SLC25A23: variants seen among roughly 807,000 people sequenced by gnomAD.
SLC25A23 encodes mitochondrial adenyl nucleotide antiporter SLC25A23.
In SLC25A23, 32 loss-of-function variants were observed where a neutral mutation model predicts 53.9. The observed-to-expected ratio is 0.59, with a 90% CI of 0.45 to 0.80. The LOEUF is 0.80. SLC25A23 is among the 30% of genes least tolerant of loss of function. SLC25A23 has a pLI of 0.00. For synonymous variants in SLC25A23, 275 were observed against 264.5 expected (o/e 1.04, Z -0.38); for missense variants, 575 against 651.4 (o/e 0.88, Z 1.28).
At chr19:6,439,399 T>TCA (rs57370920), downstream of SLC25A23, among the ~76,000 whole-genome samples, 30,584 of 123,636 alleles carry the variant, frequency 0.25, 3,877 homozygotes, top group Admixed American at 0.38. Context: ...TCTCTCTCTC[T>TCA]CACACACACA....
intron 8 of SLC25A23, among the ~76,000 whole-genome samples, chr19:6,445,789 C>G (rs529036015): frequency 6.6e-6 from 1 of 152,094 alleles, no homozygotes; most frequent in African/African-American, 2.4e-5. Context: ...TGGTGACTCA[C>G]GCCTGTAATC....
chr19:6,458,389 G>A (rs2092713387), intron 1 of SLC25A23, 65 bp from the exon 2 acceptor site: 2 of 1,559,202 alleles, frequency 1.3e-6, no homozygotes, highest in South Asian at 1.2e-5. Context: ...GGGGACGCAT[G>A]TCACCTTATG....
chr19:6,458,046 G>T, intron 2 of SLC25A23, 152 bp downstream of exon 2: 1 of 1,035,326 alleles, frequency 9.7e-7, no homozygotes, highest in Non-Finnish European at 1.4e-6. Context: ...TAGCTAGGGG[G>T]TGAGGAGTGC....
chr19:6,443,400 A>AT (rs2092453408), intron 9 of SLC25A23, among the ~76,000 whole-genome samples: 2 of 152,006 alleles, frequency 1.3e-5, no homozygotes, highest in South Asian at 4.2e-4. Context: ...TTATTTCTTC[A>AT]TTTTTTAAAA....
At chr19:6,458,117 G>C in intron 2 of SLC25A23, 81 bp downstream of exon 2, 1 of 1,531,510 alleles carries the variant, frequency 6.5e-7, no homozygotes, top group South Asian at 1.2e-5. Context: ...TCCTAGCGCT[G>C]CCAGTTCTAA....
intron 4 of SLC25A23, among the ~76,000 whole-genome samples, chr19:6,455,707 GTTTTTTTTTTTTTT>G (rs529957147): frequency 5.1e-4 from 64 of 124,934 alleles, no homozygotes; most frequent in African/African-American, 7.0e-4. Context: ...TGAAGACCGT[GTTTTTTTTTTTTTT>G]TTTTTTTTTT....
At chr19:6,458,976 A>G (rs1164465221) in intron 1 of SLC25A23, among the ~76,000 whole-genome samples, 2 of 152,218 alleles carry the variant, frequency 1.3e-5, no homozygotes, top group Non-Finnish European at 2.9e-5. Flanking sequence ...GTGACCGCAG[A>G]CAGGATTGGG....
At chr19:6,436,688 T>C (rs1446326050), downstream of SLC25A23, among the ~76,000 whole-genome samples, 1 of 149,592 alleles carries the variant, frequency 6.7e-6, no homozygotes, top group Non-Finnish European at 1.5e-5. Context: ...TAGCTGGGAT[T>C]ATAGGTGCCC....
Position 6,459,664 on chromosome 19 carries a change from G to A in SLC25A23, c.-36C>T. 5 of 1,320,456 alleles carry A rather than the reference G, an allele frequency of 3.8e-6. No individual in the cohort carries two copies. Among genetic ancestry groups the A allele is most frequent in the African/African-American group, 1.5e-5 (1 of 64,924 alleles). The allele number at this position is 1,320,456 out of a possible 1,614,324, so 81.8% of individuals were successfully genotyped here. A position where few individuals can be genotyped will look rare whatever the true frequency, so the allele number is the denominator to read the frequency against. ...CGGGGGGGAGGGGAGGCCCGGCAGC[G>A]GCGGCCTCAGTGGGGGCTTCGCGGC... On this transcript the variant is annotated 5_prime_UTR_variant, in exon 1 of 10. Transcript: ENST00000301454. This position sits in a 1 kb window ranked among gnomAD's most constrained non-coding sequence, Gnocchi z 4.6.
chr19:6,453,928 C>G, intron 7 of SLC25A23, 53 bp downstream of exon 7: 2 of 1,443,694 alleles, frequency 1.4e-6, no homozygotes, highest in Non-Finnish European at 1.9e-6. Context: ...GAGATGGGTA[C>G]AGCAGGCCCC....
chr19:6,448,749 G>A (rs965797194), intron 8 of SLC25A23, among the ~76,000 whole-genome samples: 16 of 151,948 alleles, frequency 1.1e-4, no homozygotes, highest in African/African-American at 3.4e-4. Context: ...GATTACAGGT[G>A]TGAGCCACTG....
downstream of SLC25A23, chr19:6,438,710 G>A (rs549967874): frequency 1.0e-4 from 25 of 251,112 alleles, no homozygotes; most frequent in South Asian, 6.9e-4. Context: ...TTAGCCGGGT[G>A]TGGTGGTGCG....
In SLC25A23 at chr19:6,456,603, T is replaced by C. The variant is rs1389521353; in HGVS notation, c.372-72A>G. 7 of 1,177,876 alleles carry C rather than the reference T, an allele frequency of 5.9e-6. No individual in the cohort carries two copies. In the East Asian group the frequency reaches 1.7e-4, roughly 28 times the overall value. 73.0% of individuals were successfully genotyped at this position (1,177,876 alleles called of 1,614,324 possible). A position where few individuals can be genotyped will look rare whatever the true frequency, so the allele number is the denominator to read the frequency against. ...GGTGGGCTAGGCTGGGGTGAAGTTC[T>C]GCTAGGTTTTGCAGTTTGGGAGGTT... On this transcript the variant is annotated intron_variant, in intron 3 of 9. Coordinates refer to ENST00000301454, the MANE Select transcript of SLC25A23 (RefSeq NM_024103.3).
At position 6,459,488 on chromosome 19, in the gene SLC25A23, G is replaced by A; in HGVS notation, c.141C>T (p.Asp47=). The change falls in exon 1 of 10, where the codon GAC becomes GAT. Residue 47 remains aspartate (D), a synonymous_variant. Coordinates refer to ENST00000301454, the MANE Select transcript of SLC25A23 (RefSeq NM_024103.3). This position sits in a 1 kb window ranked among gnomAD's most constrained non-coding sequence, Gnocchi z 4.6. ...GLARLGGGNP[D]PGAQQGISSE... ...GTGGGGGTACCTGTTGGGCGCCGGGGTCTGGGTTGCCCCCGCCCAGCCTGG... is the reference window on the plus strand; with the variant it reads ...GTGGGGGTACCTGTTGGGCGCCGGGATCTGGGTTGCCCCCGCCCAGCCTGG... 6.3e-7 allele frequency: 1 copy of A among 1,592,174 alleles called. No individual in the cohort carries two copies.
Position 6,454,503 on chromosome 19 carries a change from T to A in SLC25A23, c.643-28A>T, listed in dbSNP as rs772379566. 3 of 1,613,382 alleles carry A rather than the reference T, an allele frequency of 1.9e-6. No homozygotes were observed. Among genetic ancestry groups the A allele is most frequent in the East Asian group, 2.2e-5 (1 of 44,858 alleles). On this transcript the variant is annotated intron_variant, in intron 5 of 9. Transcript: ENST00000301454. This position sits in a 1 kb window ranked among gnomAD's most constrained non-coding sequence, Gnocchi z 4.3. ...GAATGGGGAGACAACAGCTTGGAGG[T>A]CCCCTCCCAGGTGTCAGGCCTGGGG... is the stretch of plus-strand genomic sequence containing the variant.
At chr19:6,457,790 G>A (rs963879687) in intron 2 of SLC25A23, among the ~76,000 whole-genome samples, 200 bp from the exon 3 acceptor site, 1 of 151,948 alleles carries the variant, frequency 6.6e-6, no homozygotes, top group Non-Finnish European at 1.5e-5. Context: ...GGAAATACTG[G>A]GGGGGCTTCT....
chr19:6,454,181 C>T lies in SLC25A23; in HGVS notation c.796-93G>A. 1 of 1,515,342 alleles carries T rather than the reference C, an allele frequency of 6.6e-7. No individual in the cohort carries two copies. Among genetic ancestry groups the T allele is most frequent in the Non-Finnish European group, 9.0e-7 (1 of 1,115,736 alleles). 93.9% of individuals were successfully genotyped at this position (1,515,342 alleles called of 1,614,324 possible). On this transcript the variant is annotated intron_variant, in intron 6 of 9. Coordinates refer to ENST00000301454, the MANE Select transcript of SLC25A23 (RefSeq NM_024103.3). This position sits in a 1 kb window ranked among gnomAD's most constrained non-coding sequence, Gnocchi z 4.3. ...TCCTGGCTTCCAAAGAACTGGCTTGCTGCAGGCATTCATGCAGAGGAGCAG... is the reference window on the plus strand; with the variant it reads ...TCCTGGCTTCCAAAGAACTGGCTTGTTGCAGGCATTCATGCAGAGGAGCAG...
At chr19:6,449,857 CTTTTTTTTT>C (rs142681286) in intron 8 of SLC25A23, among the ~76,000 whole-genome samples, 3 of 127,164 alleles carry the variant, frequency 2.4e-5, no homozygotes, top group East Asian at 2.1e-4. Flanking sequence ...ACTCACAACT[CTTTTTTTTT>C]TTTTTTTTTT....
At position 6,459,658 on chromosome 19, in the gene SLC25A23, G is replaced by C. The variant is rs1399272577; in HGVS notation, c.-30C>G. On this transcript the variant is annotated 5_prime_UTR_variant, in exon 1 of 10. Coordinates refer to ENST00000301454, the MANE Select transcript of SLC25A23 (RefSeq NM_024103.3). The surrounding 1 kb of genome is among the most constrained non-coding windows in gnomAD (Gnocchi z 4.6). Reference sequence around the variant, plus strand: ...CCCGCCCGGGGGGGAGGGGAGGCCCGGCAGCGGCGGCCTCAGTGGGGGCTT... The same window carrying C: ...CCCGCCCGGGGGGGAGGGGAGGCCCCGCAGCGGCGGCCTCAGTGGGGGCTT... The C allele has an allele frequency of 7.5e-7, 1 of 1,329,062 alleles. No individual in the cohort carries two copies. The highest frequency in any genetic ancestry group is 9.5e-7 in the Non-Finnish European group (1 of 1,047,220). 82.3% of individuals were successfully genotyped at this position (1,329,062 alleles called of 1,614,324 possible).
Sources: gnomAD v4.1 joint callset for allele counts (sites outside exome capture counted in the v4.1 genomes callset) on GRCh38, gnomAD v4.1.1 for gene constraint, Gnocchi (gnomAD v3.1) non-coding constraint, MANE v1.5 for transcripts, NCBI Gene and HGNC (gene_info 2026-07-23, HGNC 2026-07-21) for gene names.